GGCT: variants seen among roughly 807,000 people sequenced by gnomAD.
GGCT encodes cytochrome c-releasing factor 21.
In GGCT, 20 loss-of-function variants were observed where a neutral mutation model predicts 22.1. The observed-to-expected ratio is 0.91, with a 90% CI of 0.64 to 1.32. The LOEUF (loss-of-function observed/expected upper bound fraction) is 1.32. Ranked by LOEUF, GGCT falls within the 40% of genes most tolerant of loss-of-function variation. GGCT has a pLI of 0.00. For missense variants in GGCT, 209 were observed against 223.5 expected, an observed-to-expected ratio of 0.94 and a Z score of 0.41; for synonymous variants, 72 against 78.4, an observed-to-expected ratio of 0.92 and a Z score of 0.43.
rs147748684 is a variant in GGCT, at chr7:30,503,650, G to A, written c.141+919C>T. The stretch of plus-strand genomic sequence containing the variant: ...CAGTGGCGTGGAAGAGGCTCCGTGG[G>A]CTGGTTCTGTTGTGTGATGCCCACT... On this transcript the variant is annotated intron_variant, in intron 1 of 3. Transcript: ENST00000275428. Among the ~76,000 whole-genome samples the A allele has an allele frequency of 9.3e-3, 1,413 of 152,240 alleles. 20 individuals are homozygous for A. The highest frequency in any genetic ancestry group is 0.033 in the African/African-American group (1,354 of 41,528).
rs917375478 is a variant in GGCT, at chr7:30,504,682, T to C, written c.28A>G (p.Thr10Ala). 5.6e-6 allele frequency: 9 copies of C among 1,613,938 alleles called. No individual in the cohort carries two copies. In the African/African-American group the frequency reaches 1.1e-4, roughly 19 times the overall value. The change falls in exon 1 of 4, where the codon ACG becomes GCG. Residue 10 changes from threonine (T) to alanine (A), a missense_variant. Thr to Ala is a moderately conservative substitution (Grantham distance 58). Transcript: ENST00000275428. ...AGAAAACTCTCCTCATCTGGACCCGTGACGTCCTTGCAGCCCGAGTTGGCC... is the reference window on the plus strand; with the variant it reads ...AGAAAACTCTCCTCATCTGGACCCGCGACGTCCTTGCAGCCCGAGTTGGCC... MANSGCKDV[T>A]GPDEESFLYF...
At chr7:30,503,982 T>C (rs1692664430) in intron 1 of GGCT, among the ~76,000 whole-genome samples, 2 of 152,082 alleles carry the variant, frequency 1.3e-5, no homozygotes, top group African/African-American at 4.8e-5. Context: ...TTTATACCCT[T>C]AGTGTTAAGT....
At position 30,498,006 on chromosome 7, in the gene GGCT, C is replaced by CATAT. The variant is rs576048451; in HGVS notation, c.424-775_424-772dup. The CATAT allele has an allele frequency of 9.1e-3, 1,752 of 193,454 alleles. 21 individuals carry two copies. Among genetic ancestry groups the CATAT allele is most frequent in the African/African-American group, 0.015 (623 of 40,916 alleles). The allele number at this position is 193,454 out of a possible 1,614,324, so 12.0% of individuals were successfully genotyped here. ...TACGGGGAGAAAAACATTACAAAAG[C>CATAT]ATATATATATATATATAGATACACA... On this transcript the variant is annotated intron_variant, in intron 3 of 3. Transcript: ENST00000275428.
intron 3 of GGCT, 130 bp downstream of exon 3, chr7:30,498,673 C>G (rs976991350): frequency 2.6e-6 from 2 of 782,300 alleles, no homozygotes; most frequent in South Asian, 1.7e-5. Flanking sequence ...CCCGCCCCAG[C>G]CTTCCAAAGT....
Position 30,504,821 on chromosome 7 carries a change from G to T in GGCT, c.-112C>A. 9.0e-7 allele frequency: 1 copy of T among 1,105,056 alleles called. No homozygotes were observed. The highest frequency in any genetic ancestry group is 1.3e-6 in the Non-Finnish European group (1 of 744,530). The allele number at this position is 1,105,056 out of a possible 1,614,324, so 68.5% of individuals were successfully genotyped here. A position where few individuals can be genotyped will look rare whatever the true frequency, so the allele number is the denominator to read the frequency against. The stretch of plus-strand genomic sequence containing the variant: ...AGTGACCGCCGCGCGGCAGCCTCAG[G>T]GTTAGGGGACTGGCGGGAAGCGTGG... On this transcript the variant is annotated 5_prime_UTR_variant, in exon 1 of 4. Transcript: ENST00000275428.
rs765023674 is a variant in GGCT, at chr7:30,497,209, A to G, written c.450T>C (p.Asn150=). ...KKIICMGAKE[N]GLPLEYQEKL... Reference sequence around the variant, plus strand: ...TCTCTTGATACTCCAGCGGCAAACCATTTTCTTTTGCACCCATGCAAATAA... The same window carrying G: ...TCTCTTGATACTCCAGCGGCAAACCGTTTTCTTTTGCACCCATGCAAATAA... Residue 150 remains asparagine, a synonymous_variant, in exon 4 of 4, where the codon AAT becomes AAC. Transcript: ENST00000275428. 6.2e-7 allele frequency: 1 copy of G among 1,610,494 alleles called. No homozygotes were observed. Among genetic ancestry groups the G allele is most frequent in the Non-Finnish European group, 8.5e-7 (1 of 1,178,752 alleles).
intron 1 of GGCT, among the ~76,000 whole-genome samples, chr7:30,501,299 A>G (rs1000729865): frequency 1.1e-4 from 17 of 152,220 alleles, no homozygotes; most frequent in African/African-American, 4.1e-4. Flanking sequence ...GACATGGATA[A>G]AAGAGTGTGT....
rs1789675928 is a variant in GGCT, at chr7:30,500,577, T to C, written c.246A>G (p.Val82=). The C allele has an allele frequency of 1.2e-6, 2 of 1,613,720 alleles. No homozygotes were observed. The highest frequency in any genetic ancestry group is 2.2e-5 in the East Asian group (1 of 44,868). Reference sequence around the variant, plus strand: ...AATTGCTTTTGTTCATTTTCCATACTACTCCCCACACTTCATCGCCAGGAC... The same window carrying C: ...AATTGCTTTTGTTCATTTTCCATACCACTCCCCACACTTCATCGCCAGGAC... ...FQSPGDEVWG[V]VWKMNKSNLN... The change falls in exon 2 of 4, where the codon GTA becomes GTG. Residue 82 remains valine (V), a synonymous_variant. Transcript: ENST00000275428.
chr7:30,504,388 G>A (rs911572019), intron 1 of GGCT, among the ~76,000 whole-genome samples, 181 bp downstream of exon 1: 1 of 152,234 alleles, frequency 6.6e-6, no homozygotes, highest in Non-Finnish European at 1.5e-5. Context: ...ACCGTGGCCC[G>A]GGCAGGGCCG....
rs184929768 is a variant in GGCT at position 30,498,242 on chromosome 7, C to T, written c.423+561G>A. Among the ~76,000 whole-genome samples the T allele has an allele frequency of 9.2e-5, 14 of 151,384 alleles. 1 individual carries two copies. The highest frequency in any genetic ancestry group is 6.3e-4 in the South Asian group (3 of 4,796). Reference sequence around the variant, plus strand: ...AGGGAGAAAATACATGTCTAGAATTCTGACTCACATATATTTCTAAAAATT... The same window carrying T: ...AGGGAGAAAATACATGTCTAGAATTTTGACTCACATATATTTCTAAAAATT... On this transcript the variant is annotated intron_variant, in intron 3 of 3. Transcript: ENST00000275428.
intron 3 of GGCT, among the ~76,000 whole-genome samples, chr7:30,498,195 A>C (rs1789604505): frequency 6.6e-6 from 1 of 151,050 alleles, no homozygotes; most frequent in African/African-American, 2.4e-5. Context: ...AGAAAGAAAG[A>C]AAGAGAGAAA....
intron 1 of GGCT, among the ~76,000 whole-genome samples, chr7:30,503,076 T>C (rs1789739294): frequency 6.6e-6 from 1 of 152,160 alleles, no homozygotes; most frequent in Admixed American, 6.5e-5. Flanking sequence ...TTGCAGAAGA[T>C]GCTGTTCCCT....
intron 1 of GGCT, among the ~76,000 whole-genome samples, 170 bp downstream of exon 1, chr7:30,504,399 G>A (rs74397567): frequency 0.016 from 2,465 of 152,332 alleles, 59 homozygotes; most frequent in African/African-American, 0.056. Context: ...GGCAGGGCCG[G>A]GCAGTGGGCG....
Position 30,500,682 on chromosome 7 carries a change from C to T in GGCT, c.142-1G>A. ...AATTGCCAAAGTCAAGCTTAAAATCCTACAAAGGAAATCAAAGTGATATGA... is the reference window on the plus strand; with the variant it reads ...AATTGCCAAAGTCAAGCTTAAAATCTTACAAAGGAAATCAAAGTGATATGA... On this transcript the variant is annotated splice_acceptor_variant, in intron 1 of 3. Transcript: ENST00000275428. LOFTEE classifies it high-confidence loss of function. 1 of 1,612,978 alleles carries T rather than the reference C, an allele frequency of 6.2e-7. No homozygotes were observed. The highest frequency in any genetic ancestry group is 1.1e-5 in the South Asian group (1 of 90,916).
chr7:30,500,791 A>G (rs1387499443), intron 1 of GGCT, 110 bp from the exon 2 acceptor site: 10 of 768,242 alleles, frequency 1.3e-5, no homozygotes, highest in Non-Finnish European at 1.9e-5. Context: ...CAGTCAATAA[A>G]CTGAGTTCCT....
At position 30,504,805 on chromosome 7, in the gene GGCT, C is replaced by G. The variant is rs1041415130; in HGVS notation, c.-96G>C. On this transcript the variant is annotated 5_prime_UTR_variant, in exon 1 of 4. Transcript: ENST00000275428. Reference sequence around the variant, plus strand: ...CCCACTACCCCGGCGCAGTGACCGCCGCGCGGCAGCCTCAGGGTTAGGGGA... The same window carrying G: ...CCCACTACCCCGGCGCAGTGACCGCGGCGCGGCAGCCTCAGGGTTAGGGGA... 7.9e-7 allele frequency: 1 copy of G among 1,273,204 alleles called. No individual in the cohort carries two copies. Among genetic ancestry groups the G allele is most frequent in the East Asian group, 2.3e-5 (1 of 43,042 alleles). The allele number at this position is 1,273,204 out of a possible 1,614,324, so 78.9% of individuals were successfully genotyped here.
rs1303811892 is a variant in GGCT, at chr7:30,497,792, A to G, written c.424-557T>C. On this transcript the variant is annotated intron_variant, in intron 3 of 3. Coordinates refer to ENST00000275428, the MANE Select transcript of GGCT (RefSeq NM_024051.4). ...GGCCTGCCAACAGAGAGCTAAGCTT[A>G]GGTTCTGAACAGGAATTTTGGGGTC... The G allele has an allele frequency of 2.0e-6, 3 of 1,464,774 alleles. No individual in the cohort carries two copies. In the East Asian group the frequency reaches 7.9e-5, roughly 38 times the overall value. The allele number at this position is 1,464,774 out of a possible 1,614,324, so 90.7% of individuals were successfully genotyped here. A position where few individuals can be genotyped will look rare whatever the true frequency, so the allele number is the denominator to read the frequency against.
At chr7:30,500,968 A>G (rs963773906) in intron 1 of GGCT, among the ~76,000 whole-genome samples, 1 of 152,184 alleles carries the variant, frequency 6.6e-6, no homozygotes, top group Non-Finnish European at 1.5e-5. Flanking sequence ...CATAACCCCA[A>G]TGCCTGAACA....
At chr7:30,497,880 G>A (rs1789591888) in intron 3 of GGCT, 1 of 1,443,288 alleles carries the variant, frequency 6.9e-7, no homozygotes, top group Non-Finnish European at 9.2e-7. Context: ...AAGGCAGTGT[G>A]ACGTTTCTTT....
Sources: gnomAD v4.1 joint callset for allele counts (sites outside exome capture counted in the v4.1 genomes callset) on GRCh38, gnomAD v4.1.1 for gene constraint, MANE v1.5 for transcripts, NCBI Gene and HGNC (gene_info 2026-07-23, HGNC 2026-07-21) for gene names.